Variants in PSMA3 observed in about 807,000 individuals in gnomAD.
PSMA3 encodes proteasome subunit alpha type-3.
PSMA3 carries 8 observed loss-of-function variants against 40.0 expected under a neutral mutation model. The ratio of observed to expected loss-of-function variants is 0.20; its 90% CI spans 0.12 to 0.36. The LOEUF (loss-of-function observed/expected upper bound fraction) is 0.36. Ranked by LOEUF, PSMA3 falls within the 10% of genes least tolerant of loss-of-function variation. PSMA3 has a pLI of 1.00. For missense variants in PSMA3, 219 were observed against 310.6 expected (o/e 0.70, Z 2.22); for synonymous variants, 110 against 100.0 (o/e 1.10, Z -0.59).
At chr14:58,253,782 C>T (rs1335792886) in intron 3 of PSMA3, among the ~76,000 whole-genome samples, 3 of 152,010 alleles carry the variant, frequency 2.0e-5, no homozygotes, top group Admixed American at 6.6e-5. Context: ...TTAGTAGAGA[C>T]GGGGTTTCAC....
At chr14:58,258,964 T>TA (rs1890209203) in intron 5 of PSMA3, among the ~76,000 whole-genome samples, 1 of 152,148 alleles carries the variant, frequency 6.6e-6, no homozygotes, top group Admixed American at 6.5e-5. Context: ...TTGAGACAGT[T>TA]ACTGTCACCT....
At chr14:58,256,875 T>G (rs1235880893) in intron 3 of PSMA3, among the ~76,000 whole-genome samples, 2 of 151,190 alleles carry the variant, frequency 1.3e-5, no homozygotes, top group Non-Finnish European at 2.9e-5. Context: ...TCCCAACATT[T>G]TGGGAGGCTG....
intron 3 of PSMA3, among the ~76,000 whole-genome samples, chr14:58,252,854 C>T (rs1013214538): frequency 6.6e-6 from 1 of 151,748 alleles, no homozygotes; most frequent in Non-Finnish European, 1.5e-5. Context: ...TGATTCTAAC[C>T]CTGCCACCTG....
At chr14:58,245,942 C>T (rs1050394797) in intron 1 of PSMA3, among the ~76,000 whole-genome samples, 1 of 152,160 alleles carries the variant, frequency 6.6e-6, no homozygotes, top group Non-Finnish European at 1.5e-5. Flanking sequence ...TAAGTAAATG[C>T]TCAATATTAA....
intron 3 of PSMA3, 109 bp downstream of exon 3, chr14:58,252,351 C>A: frequency 7.3e-7 from 1 of 1,362,178 alleles, no homozygotes; most frequent in Non-Finnish European, 9.9e-7. Flanking sequence ...CAAGTTACTG[C>A]ATTTGTCCAG....
chr14:58,253,971 G>T (rs1290949457), intron 3 of PSMA3, among the ~76,000 whole-genome samples: 2 of 151,478 alleles, frequency 1.3e-5, no homozygotes, highest in Non-Finnish European at 2.9e-5. Context: ...TTTTTTTGTT[G>T]TTGTTGTTGT....
chr14:58,252,075 T>C, intron 2 of PSMA3, 44 bp from the exon 3 acceptor site: 2 of 1,555,304 alleles, frequency 1.3e-6, no homozygotes, highest in Non-Finnish European at 1.7e-6. Context: ...ATGAAGTTTC[T>C]TTTATTTTCA....
intron 5 of PSMA3, among the ~76,000 whole-genome samples, chr14:58,259,242 T>C (rs1264726801): frequency 6.6e-6 from 1 of 152,254 alleles, no homozygotes; most frequent in Non-Finnish European, 1.5e-5. Flanking sequence ...TCTGAGTTCA[T>C]CAGTTAACTT....
At chr14:58,258,203 T>G (rs1890191267) in intron 5 of PSMA3, 2 of 493,142 alleles carry the variant, frequency 4.1e-6, no homozygotes, top group Non-Finnish European at 7.3e-6. Context: ...TTTGGGAGGT[T>G]GAGGTGGGAG....
At chr14:58,267,674 G>C in intron 8 of PSMA3, 154 bp downstream of exon 8, 1 of 1,230,708 alleles carries the variant, frequency 8.1e-7, no homozygotes, top group African/African-American at 1.6e-5. Context: ...CCTCACGAAG[G>C]AAGAAAATGT....
intron 10 of PSMA3, 71 bp downstream of exon 10, chr14:58,271,069 C>A: frequency 8.9e-7 from 1 of 1,120,228 alleles, no homozygotes; most frequent in East Asian, 2.5e-5. Context: ...GAGTTTGAGA[C>A]CAGCCTGAGC....
intron 3 of PSMA3, 25 bp from the exon 4 acceptor site, chr14:58,257,720 T>C (rs1295292735): frequency 1.3e-6 from 2 of 1,579,254 alleles, no homozygotes; most frequent in South Asian, 2.2e-5. Context: ...TGTGTTCCTC[T>C]AGTAAATTGG....
intron 2 of PSMA3, 95 bp downstream of exon 2, chr14:58,247,927 T>C: frequency 1.3e-6 from 1 of 748,742 alleles, no homozygotes; most frequent in Non-Finnish European, 2.2e-6. Flanking sequence ...CAAATTAGTA[T>C]ATGTCCCCAA....
chr14:58,247,326 T>G (rs1889904044), intron 1 of PSMA3, among the ~76,000 whole-genome samples: 1 of 152,240 alleles, frequency 6.6e-6, no homozygotes, highest in Non-Finnish European at 1.5e-5. Context: ...AGTATACCTT[T>G]GTATTCCGTA....
At chr14:58,256,513 C>T (rs1890148704) in intron 3 of PSMA3, among the ~76,000 whole-genome samples, 1 of 149,308 alleles carries the variant, frequency 6.7e-6, no homozygotes, top group African/African-American at 2.5e-5. Context: ...CTCCCAGGTT[C>T]AAGCAATTCT....
At chr14:58,246,372 A>G (rs917142223) in intron 1 of PSMA3, among the ~76,000 whole-genome samples, 2 of 152,178 alleles carry the variant, frequency 1.3e-5, no homozygotes, top group Middle Eastern at 3.2e-3. Flanking sequence ...CTTTACTCCC[A>G]GAACCAACGC....
At chr14:58,245,137 C>T in intron 1 of PSMA3, 196 bp downstream of exon 1, 1 of 648,468 alleles carries the variant, frequency 1.5e-6, no homozygotes, top group Non-Finnish European at 2.7e-6. Context: ...GACCGTGACT[C>T]CTGAAGCTTT....
chr14:58,255,600 C>T (rs943858775), intron 3 of PSMA3, among the ~76,000 whole-genome samples: 2 of 152,174 alleles, frequency 1.3e-5, no homozygotes, highest in Non-Finnish European at 2.9e-5. Flanking sequence ...GAAACCCTGT[C>T]TCTACTAAAA....
intron 1 of PSMA3, among the ~76,000 whole-genome samples, chr14:58,247,369 G>A (rs1252233389): frequency 6.6e-6 from 1 of 152,186 alleles, no homozygotes; most frequent in Non-Finnish European, 1.5e-5. Context: ...TAACTGCTTG[G>A]TGAATGCCGA....
Sources: allele counts gnomAD v4.1 joint callset (sites outside exome capture counted in the v4.1 genomes callset), GRCh38; gene constraint gnomAD v4.1.1; transcripts MANE v1.5; gene names NCBI Gene and HGNC (gene_info 2026-07-23, HGNC 2026-07-21).